The following DNHD1 variants were observed in gnomAD, a reference collection of about 807,000 sequenced individuals.
The protein encoded by DNHD1 is dynein heavy chain domain-containing protein 1.
Under a neutral mutation model 458.1 loss-of-function variants are expected in DNHD1, and 383 were observed. That is an observed-to-expected ratio of 0.84 (90% CI 0.77 to 0.91). The LOEUF (loss-of-function observed/expected upper bound fraction) is 0.91. Ranked by LOEUF, DNHD1 falls within the 40% of genes least tolerant of loss-of-function variation. The pLI is 0.00. For synonymous variants in DNHD1, 2,203 were observed against 2,376.9 expected, an observed-to-expected ratio of 0.93 and a Z score of 2.13; for missense variants, 5,336 against 5,866.1, an observed-to-expected ratio of 0.91 and a Z score of 2.95.
chr11:6,564,109 G>T lies in DNHD1; in HGVS notation c.10269G>T (p.Trp3423Cys). Residue 3423 changes from tryptophan to cysteine, a missense_variant, in exon 31 of 43, where the codon TGG (tryptophan) becomes TGT (cysteine). Trp to Cys is a radical substitution (Grantham distance 215). This residue lies in a region of DNHD1 where 3,932 missense variants were observed against 4,365.6 expected (regional missense o/e 0.90). Coordinates refer to ENST00000254579, the MANE Select transcript of DNHD1 (RefSeq NM_144666.3). ...KAALLTPMRA[W>C]TTQLQKLKGR... is the part of the protein sequence containing the mutation. ...CACTGCTCACGCCTATGCGTGCCTG[G>T]ACTACACAGCTCCAGGTAACCATCC... The T allele has an allele frequency of 3.9e-6, 6 of 1,549,886 alleles. No homozygotes were observed. The highest frequency in any genetic ancestry group is 5.2e-6 in the Non-Finnish European group (6 of 1,145,776).
Position 6,563,031 on chromosome 11 carries a change from A to C in DNHD1, c.9569A>C (p.Lys3190Thr). The change falls in exon 29 of 43, where the codon AAG becomes ACG. Residue 3190 changes from lysine to threonine, a missense_variant. Coordinates refer to ENST00000254579, the MANE Select transcript of DNHD1 (RefSeq NM_144666.3). ...QQLEQSKLLY[K>T]QQLEECRHQE... is the part of the protein sequence containing the mutation. ...CTAGAGCAAAGCAAGCTCCTATACA[A>C]GCAGCAGCTGGAAGAGTGTCGGCAT... 2 of 1,551,726 alleles carry C rather than the reference A, an allele frequency of 1.3e-6. No individual in the cohort carries two copies. The highest frequency in any genetic ancestry group is 1.7e-6 in the Non-Finnish European group (2 of 1,146,992).
Position 6,547,296 on chromosome 11 carries a change from C to A in DNHD1, c.6357C>A (p.Pro2119=), listed in dbSNP as rs1266680529. ...SLPSGQQIAR[P]PGTFLLMEVA... ...CCAGTGGACAGCAGATAGCACGACCCCCAGGCACCTTTCTCTTGATGGAGG... is the reference window on the plus strand; with the variant it reads ...CCAGTGGACAGCAGATAGCACGACCACCAGGCACCTTTCTCTTGATGGAGG... Residue 2119 remains proline (P), a synonymous_variant, in exon 21 of 43, where the codon CCC becomes CCA. Transcript: ENST00000254579. 1 of 1,551,822 alleles carries A rather than the reference C, an allele frequency of 6.4e-7. No individual in the cohort carries two copies. Among genetic ancestry groups the A allele is most frequent in the Non-Finnish European group, 8.7e-7 (1 of 1,147,002 alleles).
rs1216278608 is a variant in DNHD1 at position 6,505,700 on chromosome 11, T to C, written c.920+2774T>C. Among the ~76,000 whole-genome samples, 2 of 152,248 alleles carry C rather than the reference T, an allele frequency of 1.3e-5. No individual in the cohort carries two copies. Among genetic ancestry groups the C allele is most frequent in the East Asian group, 3.8e-4 (2 of 5,204 alleles). The stretch of plus-strand genomic sequence containing the variant: ...GGAAACTAGCCTCTAATATAGGATC[T>C]TCTTTGGTTTGGTAATGTCCTTGGC... On this transcript the variant is annotated intron_variant, in intron 4 of 42. Coordinates refer to ENST00000254579, the MANE Select transcript of DNHD1 (RefSeq NM_144666.3). This position sits in a 1 kb window ranked among gnomAD's most constrained non-coding sequence, Gnocchi z 4.4.
chr11:6,518,049 T>C (rs572008659), intron 7 of DNHD1, among the ~76,000 whole-genome samples: 4 of 152,214 alleles, frequency 2.6e-5, no homozygotes, highest in African/African-American at 9.7e-5. Flanking sequence ...TGGCTAGGTA[T>C]AGAATTCCAA....
At chr11:6,529,265 C>A in intron 12 of DNHD1, 144 bp downstream of exon 12, 1 of 893,862 alleles carries the variant, frequency 1.1e-6, no homozygotes, top group Non-Finnish European at 1.7e-6. Flanking sequence ...CCCGAGGTCC[C>A]AGGCCCTTTC....
rs752503729 is a variant in DNHD1 at position 6,567,167 on chromosome 11, G to A, written c.11658G>A (p.Lys3886=). The change falls in exon 36 of 43, where the codon AAG becomes AAA. Residue 3886 remains lysine (K), a synonymous_variant. Transcript: ENST00000254579. The part of the protein sequence containing the change: ...MSPENWLAVT[K]QALDSMKPRE... The stretch of plus-strand genomic sequence containing the variant: ...CAGAGAACTGGCTGGCAGTCACTAA[G>A]CAGGCTCTGGACAGCATGAAGCCAC... 2 of 1,614,058 alleles carry A rather than the reference G, an allele frequency of 1.2e-6. No individual in the cohort carries two copies. The highest frequency in any genetic ancestry group is 1.7e-5 in the Admixed American group (1 of 60,034).
At position 6,570,354 on chromosome 11, in the gene DNHD1, C is replaced by A. The variant is rs745981371; in HGVS notation, c.13063C>A (p.His4355Asn). The change falls in exon 41 of 43, where the codon CAC (histidine) becomes AAC (asparagine). Residue 4355 changes from histidine (H) to asparagine (N), a missense_variant. Physicochemically the swap from His to Asn is moderately conservative, Grantham distance 68. This residue lies in a region of DNHD1 where 698 missense variants were observed against 664.9 expected (regional missense o/e 1.05). Transcript: ENST00000254579. ...CAGTAGTGGGAGCTGGGTCCAGCCA[C>A]ACACACCTCAGTCTTTGCTGGCCAC... ...SPSSGSWVQP[H>N]TPQSLLATLM... 2 of 1,612,102 alleles carry A rather than the reference C, an allele frequency of 1.2e-6. No individual in the cohort carries two copies. The highest frequency in any genetic ancestry group is 3.3e-5 in the Admixed American group (2 of 59,740).
At chr11:6,550,909 A>G (rs1046608805) in intron 24 of DNHD1, among the ~76,000 whole-genome samples, 12 of 152,236 alleles carry the variant, frequency 7.9e-5, no homozygotes, top group Non-Finnish European at 1.0e-4. Context: ...TAAATCTGAA[A>G]TCATATTAAG....
At chr11:6,547,793 CT>C (rs776215839) in intron 21 of DNHD1, 69 bp from the exon 22 acceptor site, 4 of 1,535,098 alleles carry the variant, frequency 2.6e-6, no homozygotes, top group Non-Finnish European at 3.5e-6. Context: ...TACTGTCAAC[CT>C]TTTTTCTTTC....
rs1853681046 is a variant in DNHD1, at chr11:6,565,787, C to A, written c.10849C>A (p.Gln3617Lys). ...ESEESNEAED[Q>K]TKEQKAEERK... The stretch of plus-strand genomic sequence containing the variant: ...TGAAGAGAGTAATGAGGCTGAGGAC[C>A]AGACAAAAGAGCAGAAGGCAGAGGA... Residue 3617 changes from glutamine to lysine, a missense_variant, in exon 33 of 43, where the codon CAG becomes AAG. Around this residue, in one of 4 missense-constraint regions of DNHD1, gnomAD observed 695 missense variants for 804.2 expected, o/e 0.86. Transcript: ENST00000254579. 2 of 1,551,444 alleles carry A rather than the reference C, an allele frequency of 1.3e-6. No individual in the cohort carries two copies. Among genetic ancestry groups the A allele is most frequent in the Non-Finnish European group, 8.7e-7 (1 of 1,146,964 alleles).
chr11:6,533,853 C>T lies in DNHD1; in HGVS notation c.2678C>T (p.Pro893Leu), dbSNP rs185787882. 1.2e-5 allele frequency: 18 copies of T among 1,551,278 alleles called. No homozygotes were observed. In the East Asian group the frequency reaches 3.9e-4, roughly 34 times the overall value. The change falls in exon 14 of 43, where the codon CCC becomes CTC. Residue 893 changes from proline to leucine, a missense_variant. Physicochemically the swap from Pro to Leu is moderately conservative, Grantham distance 98 (BLOSUM62 -3). Around this residue, in one of 4 missense-constraint regions of DNHD1, gnomAD observed 3,932 missense variants for 4,365.6 expected, o/e 0.90. Coordinates refer to ENST00000254579, the MANE Select transcript of DNHD1 (RefSeq NM_144666.3). ...TCACCCATCCCTCCCTGCCCTCCTCCCCCACAACCACATCTACTCCACTGC... is the reference window on the plus strand; with the variant it reads ...TCACCCATCCCTCCCTGCCCTCCTCTCCCACAACCACATCTACTCCACTGC... ...GESPIPPCPP[P>L]PQPHLLHCPL...
chr11:6,527,123 G>C (rs757745227), intron 10 of DNHD1, among the ~76,000 whole-genome samples: 3 of 152,260 alleles, frequency 2.0e-5, no homozygotes, highest in Non-Finnish European at 4.4e-5. Context: ...TCATTTTTAC[G>C]TGGGCATTTG....
chr11:6,545,375 AG>A lies in DNHD1; in HGVS notation c.4438del (p.Ala1480ProfsTer23). On this transcript the variant is annotated frameshift_variant, in exon 21 of 43. Transcript: ENST00000254579. This position sits in a 1 kb window ranked among gnomAD's most constrained non-coding sequence, Gnocchi z 4.9. ...CTTGCTCGAGGCCCATCTCTAGGTG[AG>A]GCCCTCAAGCAACTGCCCAAGCAAA... ...ARLARGPSLG[E>X]ALKQLPKQNK... 1 of 1,551,754 alleles carries A rather than the reference AG, an allele frequency of 6.4e-7. No homozygotes were observed. The highest frequency in any genetic ancestry group is 2.4e-5 in the East Asian group (1 of 40,920).
chr11:6,547,944 G>A lies in DNHD1; in HGVS notation c.6809G>A (p.Ser2270Asn), dbSNP rs554250025. Residue 2270 changes from serine to asparagine, a missense_variant, in exon 22 of 43, where the codon AGT becomes AAT. Physicochemically the swap from Ser to Asn is conservative, Grantham distance 46 (BLOSUM62 1). Around this residue, in one of 4 missense-constraint regions of DNHD1, gnomAD observed 3,932 missense variants for 4,365.6 expected, o/e 0.90. Transcript: ENST00000254579. ...SSFLNRSQVDSDDVPDKCREH... is the reference protein window; with the variant it reads ...SSFLNRSQVDNDDVPDKCREH... Reference sequence around the variant, plus strand: ...TTTCTAAACCGGTCCCAGGTTGACAGTGACGATGTGCCAGATAAGTGCAGG... The same window carrying A: ...TTTCTAAACCGGTCCCAGGTTGACAATGACGATGTGCCAGATAAGTGCAGG... 45 of 1,551,932 alleles carry A rather than the reference G, an allele frequency of 2.9e-5. No individual in the cohort carries two copies. The Admixed American group carries it at 4.3e-4, about 15-fold the overall frequency.
Position 6,557,475 on chromosome 11 carries a change from CAG to C in DNHD1, c.8183_8184del (p.Glu2728GlyfsTer52). ...GACTTCAGCAACAGCAATAGTGAAA[CAG>C]AGGAGGAAGAGGAACCTTATGGCCT... On this transcript the variant is annotated frameshift_variant, in exon 25 of 43. Transcript: ENST00000254579. LOFTEE classifies it high-confidence loss of function. The C allele has an allele frequency of 3.2e-6, 5 of 1,551,716 alleles. No individual in the cohort carries two copies. Among genetic ancestry groups the C allele is most frequent in the Non-Finnish European group, 4.4e-6 (5 of 1,147,018 alleles).
chr11:6,568,992 C>A, intron 39 of DNHD1, 126 bp downstream of exon 39: 1 of 1,152,824 alleles, frequency 8.7e-7, no homozygotes, highest in Non-Finnish European at 1.2e-6. Flanking sequence ...AAGGGGAAGT[C>A]AAGGAAGGCT....
chr11:6,570,779 GTGT>G lies in DNHD1; in HGVS notation c.13268_13270del (p.Val4423_Trp4424delinsGly). On this transcript the variant is annotated inframe_deletion, in exon 42 of 43. Transcript: ENST00000254579. ...GAGTGCGCTGCAGCGGAGTTCACCC[GTGT>G]GGGTTCCTGAGTCTCGAAGAGGCGC... is the stretch of plus-strand genomic sequence containing the variant. 6.2e-7 allele frequency: 1 copy of G among 1,613,296 alleles called. No individual in the cohort carries two copies. The highest frequency in any genetic ancestry group is 1.1e-5 in the South Asian group (1 of 90,996).
Position 6,529,069 on chromosome 11 carries a change from C to T in DNHD1, c.2295C>T (p.Leu765=). 6.4e-7 allele frequency: 1 copy of T among 1,550,756 alleles called. No individual in the cohort carries two copies. The change falls in exon 12 of 43, where the codon CTC becomes CTT. Residue 765 remains leucine, a synonymous_variant. Transcript: ENST00000254579. ...TCTCCAGTATGCCTATCGAGTTGCT[C>T]ACAAAAGGCGGGTTGCTGCTACTTA... is the stretch of plus-strand genomic sequence containing the variant. ...ARVSSMPIEL[L]TKGGLLLLSC...
At chr11:6,519,392 T>G (rs1263069004) in intron 7 of DNHD1, among the ~76,000 whole-genome samples, 1 of 152,186 alleles carries the variant, frequency 6.6e-6, no homozygotes, top group African/African-American at 2.4e-5. Context: ...CTGTGACCTC[T>G]CAATATATGT....
Sources: allele counts gnomAD v4.1 joint callset (sites outside exome capture counted in the v4.1 genomes callset), GRCh38; gene constraint gnomAD v4.1.1; regional missense constraint gnomAD v4.1.1; non-coding constraint Gnocchi (gnomAD v3.1); transcripts MANE v1.5; gene names NCBI Gene and HGNC (gene_info 2026-07-23, HGNC 2026-07-21).